Variants in IL23R observed in about 807,000 individuals in gnomAD.
The protein encoded by IL23R is interleukin-23 receptor.
IL23R carries 34 observed loss-of-function variants against 56.9 expected under a neutral mutation model. The observed-to-expected ratio is 0.60, with a 90% CI of 0.45 to 0.80. The LOEUF (loss-of-function observed/expected upper bound fraction) is 0.80. Among genes scored for constraint, IL23R ranks in the 30% least tolerant of loss-of-function variants. The pLI is 0.00. For synonymous variants in IL23R, 230 were observed against 249.2 expected (o/e 0.92, Z 0.73); for missense variants, 635 against 730.0 (o/e 0.87, Z 1.50).
At chr1:67,192,192 T>A (rs1454912713) in intron 4 of IL23R, among the ~76,000 whole-genome samples, 2 of 152,228 alleles carry the variant, frequency 1.3e-5, no homozygotes, top group African/African-American at 4.8e-5. Context: ...TGTCAATTAA[T>A]AAGTGGAGAT....
At chr1:67,171,345 A>T (rs534523044) in intron 3 of IL23R, among the ~76,000 whole-genome samples, 171 of 152,310 alleles carry the variant, frequency 1.1e-3, no homozygotes, top group Non-Finnish European at 2.3e-3. Flanking sequence ...GTGATTCATG[A>T]ATCGGCAGCA....
At chr1:67,220,485 A>G (rs1650171462) in intron 7 of IL23R, among the ~76,000 whole-genome samples, 1 of 152,188 alleles carries the variant, frequency 6.6e-6, no homozygotes, top group Non-Finnish European at 1.5e-5. Flanking sequence ...TCTAGGGCAG[A>G]TGATAACATT....
chr1:67,224,985 T>C (rs1350453583), intron 7 of IL23R, among the ~76,000 whole-genome samples: 1 of 152,188 alleles, frequency 6.6e-6, no homozygotes, highest in Non-Finnish European at 1.5e-5. Flanking sequence ...CCAAGCAGTT[T>C]TGTCAAACAT....
At chr1:67,167,550 A>G (rs1646887915) in intron 1 of IL23R, among the ~76,000 whole-genome samples, 1 of 152,092 alleles carries the variant, frequency 6.6e-6, no homozygotes, top group African/African-American at 2.4e-5. Context: ...TGGCAGGGAG[A>G]AGAATTCATC....
At chr1:67,205,949 TTTTC>T (rs1223833918) in intron 5 of IL23R, among the ~76,000 whole-genome samples, 7 of 151,496 alleles carry the variant, frequency 4.6e-5, no homozygotes, top group East Asian at 3.9e-4. Context: ...TTCTCTTTTT[TTTTC>T]TTTCTTTCTT....
At chr1:67,201,044 C>A in intron 5 of IL23R, 147 bp downstream of exon 5, 1 of 766,228 alleles carries the variant, frequency 1.3e-6, no homozygotes, top group East Asian at 2.7e-5. Flanking sequence ...TCTACCTGCC[C>A]AAGACAACTT....
chr1:67,244,429 T>G (rs901522766), intron 9 of IL23R, among the ~76,000 whole-genome samples: 20 of 152,014 alleles, frequency 1.3e-4, no homozygotes, highest in East Asian at 1.2e-3. Flanking sequence ...TTCTTCTAGG[T>G]TTTTTATGGT....
intron 4 of IL23R, among the ~76,000 whole-genome samples, chr1:67,199,325 G>GCCTTC (rs1299142642): frequency 6.6e-6 from 1 of 152,016 alleles, no homozygotes; most frequent in Non-Finnish European, 1.5e-5. Flanking sequence ...CAGGAGGTTG[G>GCCTTC]CCTTCCCCCT....
intron 5 of IL23R, among the ~76,000 whole-genome samples, chr1:67,205,883 CTTT>C: frequency 1.8e-5 from 1 of 55,898 alleles, no homozygotes; most frequent in Non-Finnish European, 4.4e-5. Context: ...ATCTTTCTTT[CTTT>C]CTTTCTTTCT....
intron 6 of IL23R, among the ~76,000 whole-genome samples, chr1:67,208,330 T>A (rs1031524869): frequency 1.3e-5 from 2 of 152,224 alleles, no homozygotes; most frequent in African/African-American, 2.4e-5. Flanking sequence ...AGGAGCCTAA[T>A]GTTAATTCCC....
At position 67,240,233 on chromosome 1, in the gene IL23R, T is replaced by C; in HGVS notation, c.1100T>C (p.Leu367Ser). The change falls in exon 9 of 11, where the codon TTG (leucine) becomes TCG (serine). Residue 367 changes from leucine to serine, a missense_variant. Physicochemically the swap from Leu to Ser is moderately radical, Grantham distance 145 (BLOSUM62 -2). Coordinates refer to ENST00000347310, the MANE Select transcript of IL23R (RefSeq NM_144701.3). ...LLGMIVFAVM[L>S]SILSLIGIFN... ...GGAATGATCGTCTTTGCTGTTATGT[T>C]GTCAATTCTTTCTTTGATTGGGATA... is the stretch of plus-strand genomic sequence containing the variant. 1 of 1,613,540 alleles carries C rather than the reference T, an allele frequency of 6.2e-7. No homozygotes were observed. Among genetic ancestry groups the C allele is most frequent in the East Asian group, 2.2e-5 (1 of 44,864 alleles).
intron 10 of IL23R, among the ~76,000 whole-genome samples, chr1:67,257,749 G>T (rs113419241): frequency 2.0e-5 from 3 of 152,230 alleles, no homozygotes; most frequent in African/African-American, 7.2e-5. Context: ...TGTCACCCAG[G>T]CTAGAGTGCA....
rs1558254182 is a variant in IL23R at position 67,228,045 on chromosome 1, CTTTCTTTCTTTCTT to C, written c.955+8317_955+8330del. Among the ~76,000 whole-genome samples the C allele has an allele frequency of 4.4e-3, 430 of 97,816 alleles. 67 individuals carry two copies. The highest frequency in any genetic ancestry group is 0.017 in the African/African-American group (375 of 21,964). 64.2% of individuals were successfully genotyped at this position (97,816 alleles called of 152,430 possible). ...TCCTTTCTTTCTTTTCTTTCTTTCT[CTTTCTTTCTTTCTT>C]TCTCTGTCTCTCTCTTTCTTTCTTT... On this transcript the variant is annotated intron_variant, in intron 7 of 10. Coordinates refer to ENST00000347310, the MANE Select transcript of IL23R (RefSeq NM_144701.3).
intron 4 of IL23R, among the ~76,000 whole-genome samples, chr1:67,189,252 CA>C (rs1387063921): frequency 6.6e-6 from 1 of 151,986 alleles, no homozygotes. Context: ...GGGCCTGACA[CA>C]TAGTAAATGC....
Position 67,169,339 on chromosome 1 carries a change from T to A in IL23R, c.71-3T>A. 6.2e-7 allele frequency: 1 copy of A among 1,600,230 alleles called. No individual in the cohort carries two copies. On this transcript the variant is annotated splice_polypyrimidine_tract_variant and splice_region_variant and intron_variant, in intron 2 of 10. Transcript: ENST00000347310. The stretch of plus-strand genomic sequence containing the variant: ...AATTTATTATTTTTCCATTTATTTC[T>A]AGGAATTACAAATATAAACTGCTCT...
intron 7 of IL23R, among the ~76,000 whole-genome samples, chr1:67,232,596 C>A (rs929022629): frequency 6.6e-6 from 1 of 151,994 alleles, no homozygotes; most frequent in Non-Finnish European, 1.5e-5. Context: ...TTTCCTTATC[C>A]GTATAATGAG....
intron 6 of IL23R, among the ~76,000 whole-genome samples, chr1:67,209,948 A>G (rs979009718): frequency 6.6e-6 from 1 of 152,256 alleles, no homozygotes; most frequent in African/African-American, 2.4e-5. Flanking sequence ...ATCAGTGATC[A>G]TGGATAAAAA....
chr1:67,202,453 G>A lies in IL23R; in HGVS notation c.652+1556G>A, dbSNP rs143935780. On this transcript the variant is annotated intron_variant, in intron 5 of 10. Transcript: ENST00000347310. ...GGATTTTGCTATGTTGGCCAGGCTG[G>A]TCTCAAACTCCTGAGTTCAGGCAAT... Among the ~76,000 whole-genome samples the A allele has an allele frequency of 1.5e-3, 232 of 152,246 alleles. 1 individual carries two copies. Among genetic ancestry groups the A allele is most frequent in the African/African-American group, 5.3e-3 (220 of 41,534 alleles).
At chr1:67,172,069 G>A (rs2102560521) in intron 3 of IL23R, among the ~76,000 whole-genome samples, 1 of 152,294 alleles carries the variant, frequency 6.6e-6, no homozygotes, top group South Asian at 2.1e-4. Context: ...CTGGTTATGA[G>A]TGTAAAAATG....
Sources: allele counts gnomAD v4.1 joint callset (sites outside exome capture counted in the v4.1 genomes callset), GRCh38; gene constraint gnomAD v4.1.1; transcripts MANE v1.5; gene names NCBI Gene and HGNC (gene_info 2026-07-23, HGNC 2026-07-21).